DSCAM: variants seen among roughly 807,000 people sequenced by gnomAD.
DSCAM encodes the protein cell adhesion molecule DSCAM.
In DSCAM, 47 loss-of-function variants were observed where a neutral mutation model predicts 217.7. That is an observed-to-expected ratio of 0.22 (90% CI 0.17 to 0.28). The LOEUF is 0.28. Ranked by LOEUF, DSCAM falls within the 10% of genes least tolerant of loss-of-function variation. The pLI is 1.00. For synonymous variants in DSCAM, 1,056 were observed against 1,015.3 expected, an observed-to-expected ratio of 1.04 and a Z score of -0.76; for missense variants, 2,080 against 2,618.3, an observed-to-expected ratio of 0.79 and a Z score of 4.49.
intron 3 of DSCAM, among the ~76,000 whole-genome samples, chr21:40,380,166 T>C (rs966425684): frequency 4.6e-5 from 7 of 152,244 alleles, no homozygotes; most frequent in African/African-American, 7.2e-5. Flanking sequence ...TAAGCCTGCA[T>C]ACTGCATTCC....
intron 3 of DSCAM, among the ~76,000 whole-genome samples, chr21:40,583,373 T>C (rs1212420748): frequency 6.6e-6 from 1 of 152,190 alleles, no homozygotes; most frequent in Admixed American, 6.5e-5. Flanking sequence ...ATTTGTGGTA[T>C]ATCAACTTTC....
chr21:40,798,147 A>T (rs551022423), intron 1 of DSCAM, among the ~76,000 whole-genome samples: 39 of 152,248 alleles, frequency 2.6e-4, no homozygotes, highest in African/African-American at 8.9e-4. Flanking sequence ...AGTGGGAAAA[A>T]ATGTTCTTAA....
intron 20 of DSCAM, among the ~76,000 whole-genome samples, chr21:40,111,792 A>G (rs912524618): frequency 6.6e-5 from 10 of 152,148 alleles, no homozygotes; most frequent in Admixed American, 3.9e-4. Context: ...CAGACTTGAA[A>G]CCAACAAAGA....
intron 1 of DSCAM, among the ~76,000 whole-genome samples, chr21:40,756,777 A>G (rs376216465): frequency 6.6e-6 from 1 of 152,100 alleles, no homozygotes. Flanking sequence ...CCTACAACTC[A>G]CAGCCATAGG....
intron 3 of DSCAM, among the ~76,000 whole-genome samples, chr21:40,447,817 G>C (rs550526152): frequency 6.6e-6 from 1 of 152,264 alleles, no homozygotes; most frequent in African/African-American, 2.4e-5. Flanking sequence ...ACAAAATATA[G>C]CAGCATAACG....
At chr21:40,052,809 C>T (rs1034213275) in intron 29 of DSCAM, among the ~76,000 whole-genome samples, 2 of 152,168 alleles carry the variant, frequency 1.3e-5, no homozygotes, top group Admixed American at 6.5e-5. Flanking sequence ...TGAAGGTGAG[C>T]GAGGCAGGAG....
chr21:40,187,316 G>C, intron 13 of DSCAM, 57 bp from the exon 14 acceptor site: 10 of 1,599,816 alleles, frequency 6.3e-6, no homozygotes, highest in Non-Finnish European at 8.5e-6. Context: ...GACATAAAAC[G>C]CTAGTGGAAA....
intron 3 of DSCAM, among the ~76,000 whole-genome samples, chr21:40,372,487 T>C (rs2074908694): frequency 6.6e-6 from 1 of 152,234 alleles, no homozygotes; most frequent in Non-Finnish European, 1.5e-5. Context: ...ATTTAGAGCC[T>C]ACTGAACAGG....
chr21:40,808,355 G>A (rs528253644), intron 1 of DSCAM, among the ~76,000 whole-genome samples: 17 of 152,172 alleles, frequency 1.1e-4, no homozygotes, highest in South Asian at 2.1e-4. Flanking sequence ...CTTGCAAGTA[G>A]AACAGAGAAG....
chr21:40,313,812 C>T (rs1200722465), intron 8 of DSCAM, among the ~76,000 whole-genome samples: 2 of 151,800 alleles, frequency 1.3e-5, no homozygotes, highest in African/African-American at 4.8e-5. Flanking sequence ...TATGCAGGGG[C>T]TTGGAAATGA....
chr21:40,599,214 T>C (rs1422650969), intron 3 of DSCAM, among the ~76,000 whole-genome samples: 1 of 152,182 alleles, frequency 6.6e-6, no homozygotes, highest in Non-Finnish European at 1.5e-5. Context: ...TTTTTATTAT[T>C]ATTATTTTAC....
intron 3 of DSCAM, among the ~76,000 whole-genome samples, chr21:40,454,817 C>T (rs920941187): frequency 1.3e-5 from 2 of 152,138 alleles, no homozygotes; most frequent in African/African-American, 2.4e-5. Context: ...TGATGGGTAC[C>T]TCTCCTTTCG....
intron 1 of DSCAM, among the ~76,000 whole-genome samples, chr21:40,740,861 G>T (rs1367859992): frequency 1.3e-5 from 2 of 152,202 alleles, no homozygotes; most frequent in East Asian, 3.8e-4. Context: ...GGAAGTAACA[G>T]AAGTTGATAA....
intron 3 of DSCAM, among the ~76,000 whole-genome samples, chr21:40,632,255 T>G (rs1043938059): frequency 1.3e-5 from 2 of 150,034 alleles, no homozygotes; most frequent in African/African-American, 4.9e-5. Context: ...TGTAGCCAAC[T>G]GATAGAATCT....
rs556933747 is a variant in DSCAM at position 40,545,650 on chromosome 21, G to A, written c.508+147160C>T. On this transcript the variant is annotated intron_variant, in intron 3 of 32. Coordinates refer to ENST00000400454, the MANE Select transcript of DSCAM (RefSeq NM_001389.5). ...AGGTGTCCTGGGACACTTGGCAGGGGTAAGAATTGTGTGAGATGATGTGTG... is the reference window on the plus strand; with the variant it reads ...AGGTGTCCTGGGACACTTGGCAGGGATAAGAATTGTGTGAGATGATGTGTG... Among the ~76,000 whole-genome samples, 3 of 152,292 alleles carry A rather than the reference G, an allele frequency of 2.0e-5. No homozygotes were observed. The East Asian group carries it at 5.8e-4, about 29-fold the overall frequency.
intron 19 of DSCAM, among the ~76,000 whole-genome samples, chr21:40,124,547 A>G (rs115681565): frequency 0.021 from 3,228 of 152,218 alleles, 120 homozygotes; most frequent in African/African-American, 0.072. Flanking sequence ...AGAGGTAATC[A>G]AGTTAAAATG....
chr21:40,062,127 G>C (rs1398469713), intron 28 of DSCAM, among the ~76,000 whole-genome samples: 1 of 152,194 alleles, frequency 6.6e-6, no homozygotes, highest in African/African-American at 2.4e-5. Context: ...TTTGAAGAGG[G>C]GGACTGGGTG....
At chr21:40,255,325 C>T (rs1462710019) in intron 11 of DSCAM, among the ~76,000 whole-genome samples, 2 of 152,122 alleles carry the variant, frequency 1.3e-5, no homozygotes, top group Non-Finnish European at 2.9e-5. Flanking sequence ...GATAATGTTA[C>T]AAATGATCTA....
intron 3 of DSCAM, among the ~76,000 whole-genome samples, chr21:40,548,618 C>G (rs908785973): frequency 6.6e-6 from 1 of 151,870 alleles, no homozygotes; most frequent in Non-Finnish European, 1.5e-5. Flanking sequence ...AAACAATTTC[C>G]AATTTTATTA....
Sources: gnomAD v4.1 joint callset for allele counts (sites outside exome capture counted in the v4.1 genomes callset) on GRCh38, gnomAD v4.1.1 for gene constraint, MANE v1.5 for transcripts, NCBI Gene and HGNC (gene_info 2026-07-23, HGNC 2026-07-21) for gene names.